Variants in HECTD2 observed in about 807,000 individuals in gnomAD.
HECTD2 encodes the protein HECT domain E3 ubiquitin protein ligase 2, also known as probable E3 ubiquitin-protein ligase HECTD2.
HECTD2 carries 35 observed loss-of-function variants against 103.2 expected under a neutral mutation model. The ratio of observed to expected loss-of-function variants is 0.34; its 90% CI spans 0.26 to 0.45. The LOEUF is 0.45. Ranked by LOEUF, HECTD2 falls within the 20% of genes least tolerant of loss-of-function variation. HECTD2 has a pLI of 1.00. For synonymous variants in HECTD2, 281 were observed against 329.9 expected, an observed-to-expected ratio of 0.85 and a Z score of 1.61; for missense variants, 596 against 937.4, an observed-to-expected ratio of 0.64 and a Z score of 4.76.
chr10:91,511,078 T>G (rs1000931607), intron 20 of HECTD2, among the ~76,000 whole-genome samples: 1 of 152,234 alleles, frequency 6.6e-6, no homozygotes, highest in African/African-American at 2.4e-5. Context: ...CTAGTAGTTT[T>G]AAGTCTTTTA....
chr10:91,428,047 T>A (rs1843651315), intron 2 of HECTD2, among the ~76,000 whole-genome samples: 1 of 151,696 alleles, frequency 6.6e-6, no homozygotes. Flanking sequence ...TCCAATTAAT[T>A]TTTGTATAAG....
intron 10 of HECTD2, 77 bp downstream of exon 10, chr10:91,485,380 T>A: frequency 8.9e-7 from 1 of 1,120,028 alleles, no homozygotes; most frequent in Non-Finnish European, 1.3e-6. Flanking sequence ...TAAGTTTATA[T>A]GAAGTTTACA....
intron 13 of HECTD2, 33 bp downstream of exon 13, chr10:91,492,517 T>G: frequency 6.5e-7 from 1 of 1,530,252 alleles, no homozygotes; most frequent in Non-Finnish European, 9.0e-7. Context: ...ATAAACTGTG[T>G]TTCTTCATAA....
At chr10:91,493,795 T>TA (rs1049102961) in intron 14 of HECTD2, among the ~76,000 whole-genome samples, 5 of 151,984 alleles carry the variant, frequency 3.3e-5, no homozygotes, top group South Asian at 4.1e-4. Context: ...AGGCATTTTT[T>TA]AAAAAAAATC....
chr10:91,435,168 G>A (rs761085462), intron 2 of HECTD2, among the ~76,000 whole-genome samples: 6 of 151,898 alleles, frequency 4.0e-5, no homozygotes, highest in Non-Finnish European at 8.8e-5. Flanking sequence ...AAGCCCCAGG[G>A]AACCCACCCC....
At position 91,449,157 on chromosome 10, in the gene HECTD2, C is replaced by T. The variant is rs1413275876; in HGVS notation, c.269-11270C>T. 3.3e-5 allele frequency among the ~76,000 whole-genome samples: 5 copies of T among 152,032 alleles called. 1 individual carries two copies. Among genetic ancestry groups the T allele is most frequent in the South Asian group, 4.2e-4 (2 of 4,814 alleles). On this transcript the variant is annotated intron_variant, in intron 2 of 20. Transcript: ENST00000298068. ...AATACTGGCAAACCAAATGTAGCAGCGCATCAAAAAGCTCATCTACCACGT... is the reference window on the plus strand; with the variant it reads ...AATACTGGCAAACCAAATGTAGCAGTGCATCAAAAAGCTCATCTACCACGT...
rs1847506297 is a variant in HECTD2 at position 91,513,574 on chromosome 10, T to C, written c.*1190T>C. 2 of 151,854 alleles carry C rather than the reference T, an allele frequency of 1.3e-5. No homozygotes were observed. The highest frequency in any genetic ancestry group is 4.9e-5 in the African/African-American group (2 of 41,208). 9.4% of individuals were successfully genotyped at this position (151,854 alleles called of 1,614,324 possible). A position where few individuals can be genotyped will look rare whatever the true frequency, so the allele number is the denominator to read the frequency against. ...TGCATTTTAAGTCAGACAGTAAATG[T>C]TTTTTTTAATTTACAGCAAATGAAG... On this transcript the variant is annotated 3_prime_UTR_variant, in exon 21 of 21. Transcript: ENST00000298068.
At chr10:91,425,919 T>C (rs1296334787) in intron 2 of HECTD2, among the ~76,000 whole-genome samples, 1 of 151,844 alleles carries the variant, frequency 6.6e-6, no homozygotes, top group Non-Finnish European at 1.5e-5. Context: ...ATGGAAAAAA[T>C]GTACATTATT....
chr10:91,467,530 C>G (rs1213249990), intron 5 of HECTD2, among the ~76,000 whole-genome samples: 1 of 152,120 alleles, frequency 6.6e-6, no homozygotes, highest in East Asian at 1.9e-4. Flanking sequence ...AGTGCACCCT[C>G]GATGCCCAAC....
intron 2 of HECTD2, among the ~76,000 whole-genome samples, chr10:91,445,316 C>G (rs1023755740): frequency 2.0e-5 from 3 of 152,130 alleles, no homozygotes; most frequent in Admixed American, 6.5e-5. Flanking sequence ...TAGGAAGAAC[C>G]TGGGCTTCCC....
intron 5 of HECTD2, among the ~76,000 whole-genome samples, chr10:91,476,221 AG>A (rs1845896107): frequency 6.6e-6 from 1 of 152,220 alleles, no homozygotes; most frequent in African/African-American, 2.4e-5. Flanking sequence ...GATGGGATGT[AG>A]GACTCAAATG....
chr10:91,512,379 G>C lies in HECTD2; in HGVS notation c.2326G>C (p.Glu776Gln). The C allele has an allele frequency of 6.2e-7, 1 of 1,612,834 alleles. No homozygotes were observed. The highest frequency in any genetic ancestry group is 8.5e-7 in the Non-Finnish European group (1 of 1,179,088). Residue 776 changes from glutamate (E) to glutamine (Q), a missense_variant, in exon 21 of 21, where the codon GAG (glutamate) becomes CAG (glutamine). By Grantham distance (29) the Glu-to-Gln change is conservative. Coordinates refer to ENST00000298068, the MANE Select transcript of HECTD2 (RefSeq NM_182765.6). ...GISNSEGFGL[E>Q] ...TTCAAATTCAGAAGGTTTTGGACTT[G>C]AGTAACCTAGAAGACTTGAAATATA...
chr10:91,424,196 G>A (rs1161409677), intron 1 of HECTD2, among the ~76,000 whole-genome samples: 2 of 152,088 alleles, frequency 1.3e-5, no homozygotes, highest in South Asian at 2.1e-4. Flanking sequence ...AGTCTTAAAT[G>A]CATTGGTACT....
chr10:91,419,444 ATTATT>A (rs1188817022), intron 1 of HECTD2, among the ~76,000 whole-genome samples: 1 of 152,168 alleles, frequency 6.6e-6, no homozygotes, highest in African/African-American at 2.4e-5. Flanking sequence ...ATATCTTGAG[ATTATT>A]TTATATTATA....
At chr10:91,409,934 G>A (rs1437927677), upstream of HECTD2, among the ~76,000 whole-genome samples, 1 of 152,170 alleles carries the variant, frequency 6.6e-6, no homozygotes, top group Non-Finnish European at 1.5e-5. Context: ...CCTACGTCCT[G>A]CCCTACTGGT....
At chr10:91,490,422 A>G (rs905424740) in intron 11 of HECTD2, among the ~76,000 whole-genome samples, 1 of 152,182 alleles carries the variant, frequency 6.6e-6, no homozygotes, top group African/African-American at 2.4e-5. Flanking sequence ...GAATATTGTG[A>G]TGGTCTTTGA....
intron 2 of HECTD2, among the ~76,000 whole-genome samples, chr10:91,459,593 C>T (rs941598078): frequency 6.6e-6 from 1 of 152,038 alleles, no homozygotes; most frequent in African/African-American, 2.4e-5. Flanking sequence ...TGATTTCTTT[C>T]ATATAACATT....
chr10:91,498,898 C>A lies in HECTD2; in HGVS notation c.1782C>A (p.Ile594=). 1 of 1,603,658 alleles carries A rather than the reference C, an allele frequency of 6.2e-7. No homozygotes were observed. Among genetic ancestry groups the A allele is most frequent in the Middle Eastern group, 1.8e-4 (1 of 5,606 alleles). The change falls in exon 17 of 21, where the codon ATC becomes ATA. Residue 594 remains isoleucine, a synonymous_variant. Coordinates refer to ENST00000298068, the MANE Select transcript of HECTD2 (RefSeq NM_182765.6). ...TTTTTCAAGAAGAATTTGGAATAAT[C>A]AAGTCCTATAATTTAAAGCCCGGTG... ...FQVFQEEFGI[I]KSYNLKPGGD...
intron 5 of HECTD2, among the ~76,000 whole-genome samples, chr10:91,466,335 C>T (rs1845531216): frequency 6.6e-6 from 1 of 152,116 alleles, no homozygotes; most frequent in South Asian, 2.1e-4. Flanking sequence ...AGAGGCTTAT[C>T]ACTTTTATTG....
Sources: gnomAD v4.1 joint callset for allele counts (sites outside exome capture counted in the v4.1 genomes callset) on GRCh38, gnomAD v4.1.1 for gene constraint, MANE v1.5 for transcripts, NCBI Gene and HGNC (gene_info 2026-07-23, HGNC 2026-07-21) for gene names.